Variants in NAALADL2 observed in about 807,000 individuals in gnomAD.
NAALADL2 encodes inactive N-acetylated-alpha-linked acidic dipeptidase-like protein 2.
Under a neutral mutation model 87.2 loss-of-function variants are expected in NAALADL2, and 76 were observed. That is an observed-to-expected ratio of 0.87 (90% CI 0.72 to 1.05). The LOEUF (loss-of-function observed/expected upper bound fraction) is 1.05, where lower values mean the gene tolerates loss of function less well. Ranked by LOEUF, NAALADL2 falls within the 50% of genes least tolerant of loss-of-function variation. The pLI is 0.00. For synonymous variants in NAALADL2, 354 were observed against 331.0 expected, an observed-to-expected ratio of 1.07 and a Z score of -0.75; for missense variants, 1,089 against 945.8, an observed-to-expected ratio of 1.15 and a Z score of -1.99.
intron 4 of NAALADL2, among the ~76,000 whole-genome samples, chr3:175,275,528 A>G (rs4301017): frequency 0.33 from 50,101 of 151,870 alleles, 9,007 homozygotes; most frequent in East Asian, 0.69. Flanking sequence ...GACATCAGAA[A>G]TTTGTGTATT....
At chr3:175,378,131 AC>A (rs1560459963) in intron 5 of NAALADL2, among the ~76,000 whole-genome samples, 1 of 152,058 alleles carries the variant, frequency 6.6e-6, no homozygotes, top group African/African-American at 2.4e-5. Context: ...GGTCACAGGC[AC>A]CCCCAAGTCC....
At chr3:174,631,136 A>T (rs1444156180) in intron 2 of NAALADL2, among the ~76,000 whole-genome samples, 1 of 152,168 alleles carries the variant, frequency 6.6e-6, no homozygotes, top group African/African-American at 2.4e-5. Flanking sequence ...TGTTTACTGT[A>T]TGTGGTCAAA....
intron 2 of NAALADL2, among the ~76,000 whole-genome samples, chr3:174,670,805 A>G (rs1160063698): frequency 6.6e-6 from 1 of 151,984 alleles, no homozygotes; most frequent in African/African-American, 2.4e-5. Flanking sequence ...TATGGTTTGA[A>G]TCTGTGTCCC....
chr3:174,502,041 C>T (rs535227492), intron 1 of NAALADL2, among the ~76,000 whole-genome samples: 10 of 151,798 alleles, frequency 6.6e-5, no homozygotes, highest in Admixed American at 3.3e-4. Flanking sequence ...GTTTATTTTT[C>T]TTGGATTAGT....
At chr3:175,200,074 C>T (rs1281069578) in intron 2 of NAALADL2, among the ~76,000 whole-genome samples, 2 of 151,270 alleles carry the variant, frequency 1.3e-5, no homozygotes, top group East Asian at 2.0e-4. Context: ...GCTCTTGATA[C>T]CCTGCCCAAC....
chr3:174,810,469 C>G (rs537365294), intron 3 of NAALADL2, among the ~76,000 whole-genome samples: 43 of 152,158 alleles, frequency 2.8e-4, no homozygotes, highest in Middle Eastern at 3.4e-3. Context: ...GATAGTGCCT[C>G]TGCCCTAGGG....
At chr3:175,354,786 T>A (rs992767189) in intron 5 of NAALADL2, among the ~76,000 whole-genome samples, 1 of 151,810 alleles carries the variant, frequency 6.6e-6, no homozygotes, top group East Asian at 1.9e-4. Flanking sequence ...CCTGAGTAGC[T>A]GGAATTACAA....
rs1242334652 is a variant in NAALADL2, at chr3:175,602,410, A to T, written c.1801-24881A>T. Among the ~76,000 whole-genome samples, 3 of 152,130 alleles carry T rather than the reference A, an allele frequency of 2.0e-5. No individual in the cohort carries two copies. In the East Asian group the frequency reaches 5.8e-4, roughly 29 times the overall value. ...TAAGTACTATATATCTATATATGTA[A>T]CATGTATGTAAACATAATATGTTAT... On this transcript the variant is annotated intron_variant, in intron 10 of 13. Transcript: ENST00000454872.
chr3:174,546,185 A>AT (rs1722710564), intron 1 of NAALADL2, among the ~76,000 whole-genome samples: 1 of 151,924 alleles, frequency 6.6e-6, no homozygotes, highest in Non-Finnish European at 1.5e-5. Context: ...ATCTGGTGAT[A>AT]TTTTCTCAAG....
intron 11 of NAALADL2, among the ~76,000 whole-genome samples, chr3:175,735,036 G>A (rs760542580): frequency 1.3e-5 from 2 of 152,106 alleles, no homozygotes; most frequent in Non-Finnish European, 2.9e-5. Flanking sequence ...AAAACTGAAT[G>A]CCTTTATCAG....
intron 13 of NAALADL2, among the ~76,000 whole-genome samples, chr3:175,768,299 A>G (rs1749013920): frequency 6.6e-6 from 1 of 152,124 alleles, no homozygotes; most frequent in African/African-American, 2.4e-5. Context: ...TGGTAATTTT[A>G]CCAGGCCTTT....
upstream of NAALADL2, among the ~76,000 whole-genome samples, chr3:174,857,863 T>C (rs1015818515): frequency 1.3e-5 from 2 of 152,034 alleles, no homozygotes; most frequent in South Asian, 2.1e-4. Context: ...CAACTCCCAA[T>C]TGCAATCAGA....
At chr3:175,469,048 C>A (rs1342138721) in intron 8 of NAALADL2, among the ~76,000 whole-genome samples, 1 of 151,808 alleles carries the variant, frequency 6.6e-6, no homozygotes, top group East Asian at 1.9e-4. Context: ...AATTAAGTAC[C>A]AATGTCTCTG....
At chr3:175,157,231 G>T (rs1732458885) in intron 2 of NAALADL2, among the ~76,000 whole-genome samples, 1 of 152,170 alleles carries the variant, frequency 6.6e-6, no homozygotes, top group African/African-American at 2.4e-5. Context: ...GATAGGAAAA[G>T]ATTTTCTAAA....
In NAALADL2 at chr3:175,809,752, G is replaced by C. The variant is rs1333043876; in HGVS notation, c.*6549G>C. 2.0e-5 allele frequency: 3 copies of C among 151,862 alleles called. No homozygotes were observed. Among genetic ancestry groups the C allele is most frequent in the Non-Finnish European group, 4.4e-5 (3 of 67,948 alleles). The allele number at this position is 151,862 out of a possible 1,614,324, so 9.4% of individuals were successfully genotyped here. ...TAGTAGTTTTATATGTATTTGGAAT[G>C]TTAATATGGGACACATGCATTTAAT... is the stretch of plus-strand genomic sequence containing the variant. On this transcript the variant is annotated 3_prime_UTR_variant, in exon 14 of 14. Transcript: ENST00000454872.
chr3:174,619,166 G>C (rs544062080), intron 2 of NAALADL2, among the ~76,000 whole-genome samples: 1 of 151,928 alleles, frequency 6.6e-6, no homozygotes, highest in African/African-American at 2.4e-5. Context: ...AGATCACTTT[G>C]CTTCTACTCT....
intron 1 of NAALADL2, among the ~76,000 whole-genome samples, chr3:174,530,011 G>A (rs374605773): frequency 2.0e-5 from 3 of 152,078 alleles, no homozygotes; most frequent in African/African-American, 2.4e-5. Flanking sequence ...TTCTGCAGCC[G>A]GCTTGAATTT....
At chr3:175,802,971 A>G (rs963309062) in intron 13 of NAALADL2, 34 bp from the exon 14 acceptor site, 4 of 1,429,192 alleles carry the variant, frequency 2.8e-6, no homozygotes, top group Non-Finnish European at 3.9e-6. Context: ...AGCATTGTGC[A>G]TGAAACATTT....
At chr3:174,511,909 AG>A (rs1192697650) in intron 1 of NAALADL2, among the ~76,000 whole-genome samples, 2 of 152,238 alleles carry the variant, frequency 1.3e-5, no homozygotes, top group East Asian at 3.9e-4. Context: ...TTCATGTAAA[AG>A]TATAAGAATC....
Sources: gnomAD v4.1 joint callset for allele counts (sites outside exome capture counted in the v4.1 genomes callset) on GRCh38, gnomAD v4.1.1 for gene constraint, MANE v1.5 for transcripts, NCBI Gene and HGNC (gene_info 2026-07-23, HGNC 2026-07-21) for gene names.